TTC29: variants seen among roughly 807,000 people sequenced by gnomAD.
The protein encoded by TTC29 is tetratricopeptide repeat domain 29.
In TTC29, 49 loss-of-function variants were observed where a neutral mutation model predicts 58.1. That is an observed-to-expected ratio of 0.84 (90% CI 0.67 to 1.07). The LOEUF is 1.07. TTC29 is among the 50% of genes least tolerant of loss of function. The pLI is 0.00. For synonymous variants in TTC29, 209 were observed against 196.8 expected (o/e 1.06, Z -0.52); for missense variants, 582 against 555.6 (o/e 1.05, Z -0.48).
chr4:146,708,341 T>TGTATATATATATATATATATATATAC lies in TTC29; in HGVS notation c.1331-791_1331-790insGTATATATATATATATATATATATAC, dbSNP rs1554002735. Among the ~76,000 whole-genome samples, 15 of 62,858 alleles carry TGTATATATATATATATATATATATAC rather than the reference T, an allele frequency of 2.4e-4. No individual in the cohort carries two copies. In the East Asian group the frequency reaches 7.0e-3, roughly 30 times the overall value. 41.2% of individuals were successfully genotyped at this position (62,858 alleles called of 152,430 possible). ...ATATATATATATATATATATATATATATATATATATATATACACATGTATG... is the reference window on the plus strand; with the variant it reads ...ATATATATATATATATATATATATATGTATATATATATATATATATATATACATATATATATATATACACATGTATG... On this transcript the variant is annotated intron_variant, in intron 11 of 12. Coordinates refer to ENST00000325106, the MANE Select transcript of TTC29 (RefSeq NM_031956.4).
intron 11 of TTC29, among the ~76,000 whole-genome samples, chr4:146,749,975 G>A (rs1224311560): frequency 6.6e-6 from 1 of 152,006 alleles, no homozygotes; most frequent in East Asian, 1.9e-4. Context: ...GTCTTTTTCA[G>A]ATAAACAAAA....
intron 11 of TTC29, among the ~76,000 whole-genome samples, chr4:146,713,178 A>T (rs1016816262): frequency 6.6e-6 from 1 of 151,272 alleles, no homozygotes; most frequent in Non-Finnish European, 1.5e-5. Flanking sequence ...GCATATAATA[A>T]CCATAAAATG....
chr4:146,836,413 T>C (rs1728513063), intron 8 of TTC29, among the ~76,000 whole-genome samples: 1 of 152,196 alleles, frequency 6.6e-6, no homozygotes, highest in Admixed American at 6.6e-5. Flanking sequence ...GCAAAGGAGC[T>C]GCTCTAAATC....
rs570738893 is a variant in TTC29, at chr4:146,778,080, C to T, written c.1330+25377G>A. The stretch of plus-strand genomic sequence containing the variant: ...GTAGTTCATGGATTATCTTCGTGGA[C>T]GTGTTAAGTTTGGGAGTCATTAGTT... On this transcript the variant is annotated intron_variant, in intron 11 of 12. Transcript: ENST00000325106. Among the ~76,000 whole-genome samples, 19 of 152,156 alleles carry T rather than the reference C, an allele frequency of 1.2e-4. 1 individual carries two copies. Among genetic ancestry groups the T allele is most frequent in the African/African-American group, 2.9e-4 (12 of 41,496 alleles).
rs70958534 is a variant in TTC29, at chr4:146,930,084, CATATATATATATAT to C, written c.176+7496_176+7509del. ...CTACATATATTTGTATGTGTGTGTGCATATATATATATATATATATATATATATATATATACACA... is the reference window on the plus strand; with the variant it reads ...CTACATATATTTGTATGTGTGTGTGCATATATATATATATATATATACACA... On this transcript the variant is annotated intron_variant, in intron 4 of 12. Coordinates refer to ENST00000325106, the MANE Select transcript of TTC29 (RefSeq NM_031956.4). 7.3e-3 allele frequency among the ~76,000 whole-genome samples: 564 copies of C among 77,436 alleles called. 11 individuals are homozygous for C. The highest frequency in any genetic ancestry group is 0.032 in the Middle Eastern group (3 of 94). 50.8% of individuals were successfully genotyped at this position (77,436 alleles called of 152,430 possible).
At chr4:146,848,451 T>G (rs981294157) in intron 8 of TTC29, among the ~76,000 whole-genome samples, 1 of 152,202 alleles carries the variant, frequency 6.6e-6, no homozygotes, top group African/African-American at 2.4e-5. Context: ...AGAGAAGTTT[T>G]AAATATTAAT....
At chr4:146,745,263 G>A (rs2150040373) in intron 11 of TTC29, among the ~76,000 whole-genome samples, 1 of 152,326 alleles carries the variant, frequency 6.6e-6, no homozygotes, top group East Asian at 1.9e-4. Context: ...TTGAAACTCT[G>A]GCAAAGTGAG....
At chr4:146,776,119 G>T (rs1748072702) in intron 11 of TTC29, among the ~76,000 whole-genome samples, 1 of 152,136 alleles carries the variant, frequency 6.6e-6, no homozygotes, top group African/African-American at 2.4e-5. Flanking sequence ...TTTTTAAAGT[G>T]AATTCTTCAG....
At chr4:146,937,872 G>A (rs1359563778) in intron 3 of TTC29, among the ~76,000 whole-genome samples, 195 bp from the exon 4 acceptor site, 1 of 152,116 alleles carries the variant, frequency 6.6e-6, no homozygotes, top group South Asian at 2.1e-4. Flanking sequence ...TGATAAGGAA[G>A]AATATTAAAC....
intron 6 of TTC29, among the ~76,000 whole-genome samples, chr4:146,884,901 TTTA>T: frequency 6.6e-6 from 1 of 152,182 alleles, no homozygotes; most frequent in South Asian, 2.1e-4. Flanking sequence ...TAAAGGAGGC[TTTA>T]TTGTTAAAAA....
At chr4:146,822,806 G>A (rs774595676) in intron 9 of TTC29, among the ~76,000 whole-genome samples, 43 of 152,220 alleles carry the variant, frequency 2.8e-4, no homozygotes, top group South Asian at 4.1e-4. Context: ...TCTGACTGGC[G>A]TGAGATGGTA....
chr4:146,834,299 C>G (rs2150158737), intron 8 of TTC29, among the ~76,000 whole-genome samples: 1 of 152,156 alleles, frequency 6.6e-6, no homozygotes, highest in Middle Eastern at 3.4e-3. Context: ...CTAAAAATAG[C>G]TATTTGAAAA....
chr4:146,752,127 G>C (rs886095777), intron 11 of TTC29, among the ~76,000 whole-genome samples: 1 of 151,702 alleles, frequency 6.6e-6, no homozygotes, highest in South Asian at 2.1e-4. Context: ...AAGTCAAATT[G>C]TCCCTGTTTG....
intron 10 of TTC29, among the ~76,000 whole-genome samples, chr4:146,816,544 T>G (rs2150135134): frequency 1.3e-5 from 2 of 150,654 alleles, no homozygotes; most frequent in Non-Finnish European, 3.0e-5. Flanking sequence ...GGGAGAGGGA[T>G]AGGATGACCC....
rs559277237 is a variant in TTC29 at position 146,861,751 on chromosome 4, G to A, written c.885+5747C>T. On this transcript the variant is annotated intron_variant, in intron 8 of 12. Coordinates refer to ENST00000325106, the MANE Select transcript of TTC29 (RefSeq NM_031956.4). ...GATTAATAGAACTATTATTGATTGG[G>A]AATATTCACTTGTGTTTATCCAAGT... 1.9e-3 allele frequency among the ~76,000 whole-genome samples: 281 copies of A among 151,570 alleles called. 1 individual carries two copies. The highest frequency in any genetic ancestry group is 6.6e-3 in the African/African-American group (274 of 41,338).
intron 11 of TTC29, among the ~76,000 whole-genome samples, chr4:146,712,436 T>C (rs1742570739): frequency 6.6e-6 from 1 of 152,164 alleles, no homozygotes. Context: ...ATGTGTGCTC[T>C]TTGGCATGGT....
chr4:146,790,813 C>T (rs966197761), intron 11 of TTC29, among the ~76,000 whole-genome samples: 3 of 152,196 alleles, frequency 2.0e-5, no homozygotes, highest in Admixed American at 2.0e-4. Flanking sequence ...TGGCACCAGG[C>T]AGGGTTCTGT....
intron 10 of TTC29, among the ~76,000 whole-genome samples, chr4:146,814,060 T>C (rs1474892499): frequency 6.6e-6 from 1 of 152,178 alleles, no homozygotes; most frequent in Non-Finnish European, 1.5e-5. Context: ...TCTTAAGTGG[T>C]ATGAAACTGG....
chr4:146,883,681 G>A (rs1464037886), intron 6 of TTC29, among the ~76,000 whole-genome samples: 1 of 151,928 alleles, frequency 6.6e-6, no homozygotes, highest in African/African-American at 2.4e-5. Context: ...TGTGGGCTCG[G>A]TGCAACTATT....
Sources: gnomAD v4.1 joint callset for allele counts (sites outside exome capture counted in the v4.1 genomes callset) on GRCh38, gnomAD v4.1.1 for gene constraint, MANE v1.5 for transcripts, NCBI Gene and HGNC (gene_info 2026-07-23, HGNC 2026-07-21) for gene names.